MAD1L1: variants seen among roughly 807,000 people sequenced by gnomAD.
The protein encoded by MAD1L1 is mitotic arrest deficient 1 like 1.
In MAD1L1, 95 loss-of-function variants were observed where a neutral mutation model predicts 96.9. The ratio of observed to expected loss-of-function variants is 0.98; its 90% confidence interval spans 0.83 to 1.16. The LOEUF (loss-of-function observed/expected upper bound fraction) is 1.16. Among genes scored for constraint, MAD1L1 ranks in the 50% most tolerant of loss-of-function variants. The pLI is 0.00. For missense variants in MAD1L1, 1,007 were observed against 954.4 expected (o/e 1.06, Z -0.73); for synonymous variants, 473 against 396.6 (o/e 1.19, Z -2.29).
intron 18 of MAD1L1, among the ~76,000 whole-genome samples, chr7:1,870,525 G>A (rs1188495638): frequency 3.9e-5 from 5 of 126,974 alleles, no homozygotes; most frequent in East Asian, 2.4e-4. Flanking sequence ...CCCAACATAA[G>A]CCTGCCACGC....
intron 10 of MAD1L1, among the ~76,000 whole-genome samples, chr7:2,155,225 G>C (rs1186672555): frequency 1.3e-5 from 2 of 152,190 alleles, no homozygotes; most frequent in East Asian, 3.9e-4. Context: ...TCTTCCAAGA[G>C]GACATCCTGA....
At chr7:2,084,605 G>A (rs916059437) in intron 11 of MAD1L1, among the ~76,000 whole-genome samples, 1 of 152,220 alleles carries the variant, frequency 6.6e-6, no homozygotes, top group Non-Finnish European at 1.5e-5. Context: ...CCTGAGCCAC[G>A]GTGGCGGCCA....
intron 18 of MAD1L1, among the ~76,000 whole-genome samples, chr7:1,817,246 G>A (rs1169247507): frequency 2.0e-5 from 3 of 152,086 alleles, no homozygotes; most frequent in Non-Finnish European, 2.9e-5. Flanking sequence ...GAGCGTGTGT[G>A]GTGCGGCCAC....
At chr7:2,047,321 G>A (rs141131217) in intron 12 of MAD1L1, among the ~76,000 whole-genome samples, 6 of 152,312 alleles carry the variant, frequency 3.9e-5, no homozygotes, top group Admixed American at 1.3e-4. Flanking sequence ...TCTGCAGACC[G>A]TGCCGATGAT....
Position 2,001,942 on chromosome 7 carries a change from C to T in MAD1L1, c.1416+123G>A, listed in dbSNP as rs1334531791. 1.8e-5 allele frequency: 18 copies of T among 1,005,916 alleles called. 1 individual carries two copies. The highest frequency in any genetic ancestry group is 6.4e-5 in the African/African-American group (4 of 62,902). 62.3% of individuals were successfully genotyped at this position (1,005,916 alleles called of 1,614,324 possible). ...ACCCTTCCCCGCTCAACGCAGCTTC[C>T]GACGACAGAAGAGGCAGCCATGCAC... On this transcript the variant is annotated intron_variant, in intron 14 of 18. Coordinates refer to ENST00000265854, the MANE Select transcript of MAD1L1 (RefSeq NM_001013836.2).
chr7:2,210,913 C>T (rs1237968354), intron 10 of MAD1L1, among the ~76,000 whole-genome samples: 5 of 152,242 alleles, frequency 3.3e-5, no homozygotes, highest in African/African-American at 1.2e-4. Flanking sequence ...TCCACAAGTA[C>T]ACGATCACGT....
At chr7:1,865,624 T>A (rs1286669451) in intron 18 of MAD1L1, among the ~76,000 whole-genome samples, 1 of 152,176 alleles carries the variant, frequency 6.6e-6, no homozygotes, top group East Asian at 1.9e-4. Context: ...ATCACCTCAG[T>A]GTGGAATTGA....
At chr7:1,884,346 C>T (rs1416175840) in intron 18 of MAD1L1, among the ~76,000 whole-genome samples, 6 of 152,342 alleles carry the variant, frequency 3.9e-5, no homozygotes, top group African/African-American at 9.6e-5. Context: ...CCCACATGTC[C>T]GGGCAGCCAC....
At chr7:1,943,843 G>A (rs888358408) in intron 16 of MAD1L1, among the ~76,000 whole-genome samples, 5 of 152,248 alleles carry the variant, frequency 3.3e-5, no homozygotes, top group East Asian at 1.9e-4. Context: ...TCCATCAGGC[G>A]ATGACTGGAT....
At chr7:2,121,347 C>A (rs895965808) in intron 11 of MAD1L1, among the ~76,000 whole-genome samples, 2 of 152,248 alleles carry the variant, frequency 1.3e-5, no homozygotes, top group Non-Finnish European at 2.9e-5. Context: ...TGCCAGGCAC[C>A]GTGGGGACAG....
At chr7:2,140,197 G>A (rs1202204041) in intron 11 of MAD1L1, among the ~76,000 whole-genome samples, 2 of 152,184 alleles carry the variant, frequency 1.3e-5, no homozygotes, top group Non-Finnish European at 2.9e-5. Flanking sequence ...TCAATCCTTG[G>A]TGGCTTCCTC....
rs1333577900 is a variant in MAD1L1, at chr7:2,044,572, C to T, written c.1218+24622G>A. On this transcript the variant is annotated intron_variant, in intron 12 of 18. Transcript: ENST00000265854. Reference sequence around the variant, plus strand: ...CCAAATGGTTCAGCAGGGCACAGAACCAGCACGGGGGTGCGGCCGGGAGGT... The same window carrying T: ...CCAAATGGTTCAGCAGGGCACAGAATCAGCACGGGGGTGCGGCCGGGAGGT... 2.6e-5 allele frequency among the ~76,000 whole-genome samples: 4 copies of T among 152,188 alleles called. No individual in the cohort carries two copies. The East Asian group carries it at 7.7e-4, about 29-fold the overall frequency.
intron 10 of MAD1L1, among the ~76,000 whole-genome samples, chr7:2,175,650 G>A (rs1790915592): frequency 6.6e-6 from 1 of 152,230 alleles, no homozygotes; most frequent in South Asian, 2.1e-4. Flanking sequence ...TATTTTACCA[G>A]TAAGCCACAT....
intron 13 of MAD1L1, among the ~76,000 whole-genome samples, chr7:2,002,775 G>T (rs1781856066): frequency 6.6e-6 from 1 of 152,240 alleles, no homozygotes; most frequent in Non-Finnish European, 1.5e-5. Flanking sequence ...TGTGGGGCCA[G>T]GATGTCAGCA....
intron 10 of MAD1L1, among the ~76,000 whole-genome samples, chr7:2,174,823 C>T (rs989520920): frequency 6.6e-6 from 1 of 152,174 alleles, no homozygotes; most frequent in Non-Finnish European, 1.5e-5. Flanking sequence ...TTTATCCTTG[C>T]ATAATTTCCA....
At chr7:2,012,921 G>A (rs1782367417) in intron 13 of MAD1L1, among the ~76,000 whole-genome samples, 1 of 152,230 alleles carries the variant, frequency 6.6e-6, no homozygotes, top group African/African-American at 2.4e-5. Context: ...CAGCTTTCTA[G>A]ATGTAGTTTG....
chr7:2,022,385 C>G (rs1033679237), intron 12 of MAD1L1, among the ~76,000 whole-genome samples: 1 of 152,172 alleles, frequency 6.6e-6, no homozygotes, highest in Non-Finnish European at 1.5e-5. Flanking sequence ...AATCCCAGCA[C>G]TTTGGGAGGC....
At chr7:1,891,483 G>A (rs947403536) in intron 18 of MAD1L1, among the ~76,000 whole-genome samples, 4 of 152,088 alleles carry the variant, frequency 2.6e-5, no homozygotes, top group South Asian at 2.1e-4. Flanking sequence ...CCGAAATCGC[G>A]CCACTGCACT....
intron 12 of MAD1L1, among the ~76,000 whole-genome samples, chr7:2,061,173 C>T (rs1584226146): frequency 6.6e-6 from 1 of 152,180 alleles, no homozygotes; most frequent in East Asian, 1.9e-4. Context: ...CCCATCTCTA[C>T]TAAAAATACA....
Sources: gnomAD v4.1 joint callset for allele counts (sites outside exome capture counted in the v4.1 genomes callset) on GRCh38, gnomAD v4.1.1 for gene constraint, MANE v1.5 for transcripts, NCBI Gene and HGNC (gene_info 2026-07-23, HGNC 2026-07-21) for gene names.